Variants in ADCY3 observed in about 807,000 individuals in gnomAD.
ADCY3 encodes the protein adenylate cyclase type 3.
Under a neutral mutation model 119.4 loss-of-function variants are expected in ADCY3, and 70 were observed. The ratio of observed to expected loss-of-function variants is 0.59; its 90% CI spans 0.48 to 0.72. The LOEUF is 0.72. Among genes scored for constraint, ADCY3 ranks in the 30% least tolerant of loss-of-function variants. ADCY3 has a pLI of 0.00. For missense variants in ADCY3, 1,238 were observed against 1,541.6 expected (o/e 0.80, Z 3.30); for synonymous variants, 672 against 621.4 (o/e 1.08, Z -1.21).
intron 7 of ADCY3, 108 bp from the exon 8 acceptor site, chr2:24,838,730 C>G: frequency 6.3e-7 from 1 of 1,586,500 alleles, no homozygotes. Flanking sequence ...GGCCCCGTGT[C>G]TCTCGGGCAT....
intron 2 of ADCY3, among the ~76,000 whole-genome samples, chr2:24,907,466 T>C (rs935534854): frequency 1.3e-5 from 2 of 152,154 alleles, no homozygotes; most frequent in African/African-American, 4.8e-5. Context: ...AAGGAAAGTG[T>C]TGTGGAGGAG....
At chr2:24,845,149 G>A (rs1411603284) in intron 3 of ADCY3, among the ~76,000 whole-genome samples, 1 of 152,194 alleles carries the variant, frequency 6.6e-6, no homozygotes, top group East Asian at 1.9e-4. Context: ...TTTATCAGCA[G>A]CGTGAAAACG....
intron 2 of ADCY3, among the ~76,000 whole-genome samples, chr2:24,890,836 G>A (rs1677567525): frequency 6.6e-6 from 1 of 151,714 alleles, no homozygotes; most frequent in Non-Finnish European, 1.5e-5. Context: ...AAAGGTTTAA[G>A]CTTCTAAGGT....
chr2:24,864,214 C>T (rs987117500), intron 3 of ADCY3, among the ~76,000 whole-genome samples: 25 of 152,062 alleles, frequency 1.6e-4, no homozygotes, highest in African/African-American at 4.3e-4. Flanking sequence ...AGCTTGAACC[C>T]GGAGGCGGAA....
intron 2 of ADCY3, among the ~76,000 whole-genome samples, chr2:24,904,446 G>A (rs1000127604): frequency 5.3e-5 from 8 of 152,028 alleles, no homozygotes; most frequent in African/African-American, 1.4e-4. Context: ...ACTTGAACCC[G>A]GGAGGCAGAG....
rs1367985458 is a variant in ADCY3, at chr2:24,899,850, G to A, written c.675+18463C>T. Among the ~76,000 whole-genome samples, 1 of 152,178 alleles carries A rather than the reference G, an allele frequency of 6.6e-6. No homozygotes were observed. The highest frequency in any genetic ancestry group is 2.4e-5 in the African/African-American group (1 of 41,452). Reference sequence around the variant, plus strand: ...TTTGGCAATGGGTACCTATGAGAAGGGGAGCAAGGGAAGGAAGGAGGACTT... The same window carrying A: ...TTTGGCAATGGGTACCTATGAGAAGAGGAGCAAGGGAAGGAAGGAGGACTT... On this transcript the variant is annotated intron_variant, in intron 2 of 21. Coordinates refer to ENST00000679454, the MANE Select transcript of ADCY3 (RefSeq NM_004036.5). This position sits in a 1 kb window ranked among gnomAD's most constrained non-coding sequence, Gnocchi z 4.5.
chr2:24,841,407 C>T lies in ADCY3; in HGVS notation c.1069-21G>A, dbSNP rs1168041708. On this transcript the variant is annotated intron_variant, in intron 5 of 21. Transcript: ENST00000679454. This position sits in a 1 kb window ranked among gnomAD's most constrained non-coding sequence, Gnocchi z 5.8. ...TATTTCTGAAAGGGGAGGGCCTGGC[C>T]TGTGCTCCAGCCCCTCCTCAGTGAG... The T allele has an allele frequency of 1.2e-6, 2 of 1,609,810 alleles. No individual in the cohort carries two copies. The highest frequency in any genetic ancestry group is 1.1e-5 in the South Asian group (1 of 90,092).
intron 3 of ADCY3, among the ~76,000 whole-genome samples, chr2:24,849,819 C>T (rs890405765): frequency 6.6e-5 from 10 of 152,196 alleles, no homozygotes; most frequent in Non-Finnish European, 1.5e-5. Flanking sequence ...CCCCCCAAGC[C>T]TCAGGGCCTC....
intron 2 of ADCY3, among the ~76,000 whole-genome samples, chr2:24,902,235 C>T (rs1404070060): frequency 1.3e-5 from 2 of 151,850 alleles, no homozygotes; most frequent in Non-Finnish European, 2.9e-5. Context: ...TGTGTGCCAC[C>T]ACGCCTGGCT....
chr2:24,838,742 T>TG, intron 7 of ADCY3, 120 bp from the exon 8 acceptor site: 2 of 1,585,192 alleles, frequency 1.3e-6, no homozygotes, highest in Non-Finnish European at 1.7e-6. Flanking sequence ...CTCGGGCATG[T>TG]GGGGCAGAGG....
intron 3 of ADCY3, among the ~76,000 whole-genome samples, chr2:24,847,897 G>T (rs1385792693): frequency 6.6e-6 from 1 of 152,206 alleles, no homozygotes; most frequent in Non-Finnish European, 1.5e-5. Flanking sequence ...CTGGGCTGGG[G>T]CTGGGTTTCT....
intron 3 of ADCY3, among the ~76,000 whole-genome samples, chr2:24,861,248 C>A (rs997774592): frequency 3.2e-5 from 1 of 31,278 alleles, no homozygotes. Flanking sequence ...GAGACTCCAT[C>A]TCAAAAAAAA....
chr2:24,834,349 C>T lies in ADCY3; in HGVS notation c.1967+136G>A, dbSNP rs558350675. ...TAGCACTCCTGGGGCCTGTGGGGGC[C>T]GTCCCAGTGGGGGTCAGGGAGCAGA... On this transcript the variant is annotated intron_variant, in intron 11 of 21. Transcript: ENST00000679454. This position sits in a 1 kb window ranked among gnomAD's most constrained non-coding sequence, Gnocchi z 4.2. 1.3e-5 allele frequency: 14 copies of T among 1,089,916 alleles called. No homozygotes were observed. The highest frequency in any genetic ancestry group is 6.4e-5 in the South Asian group (4 of 62,248). The allele number at this position is 1,089,916 out of a possible 1,614,324, so 67.5% of individuals were successfully genotyped here.
At position 24,834,202 on chromosome 2, in the gene ADCY3, T is replaced by C. The variant is rs772283373; in HGVS notation, c.1967+283A>G. On this transcript the variant is annotated intron_variant, in intron 11 of 21. Coordinates refer to ENST00000679454, the MANE Select transcript of ADCY3 (RefSeq NM_004036.5). The surrounding 1 kb of genome is among the most constrained non-coding windows in gnomAD (Gnocchi z 4.2). ...TCAGTGTGGGCCCATCTAGCCAAGG[T>C]CTCCAGCCTTCTGGAGGCCTCTGTC... Among the ~76,000 whole-genome samples, 1 of 152,050 alleles carries C rather than the reference T, an allele frequency of 6.6e-6. No individual in the cohort carries two copies. The highest frequency in any genetic ancestry group is 2.4e-5 in the African/African-American group (1 of 41,376).
chr2:24,916,510 T>C (rs1030495609), intron 2 of ADCY3, among the ~76,000 whole-genome samples: 2 of 152,182 alleles, frequency 1.3e-5, no homozygotes, highest in African/African-American at 4.8e-5. Flanking sequence ...GGTGAAACCT[T>C]GTCTCTACTA....
intron 21 of ADCY3, 46 bp from the exon 22 acceptor site, chr2:24,820,160 T>TCC: frequency 7.3e-7 from 1 of 1,361,608 alleles, no homozygotes; most frequent in Non-Finnish European, 9.8e-7. Context: ...GGGGGGAGCC[T>TCC]AGACTGAGGG....
At chr2:24,913,248 G>A (rs987646391) in intron 2 of ADCY3, among the ~76,000 whole-genome samples, 5 of 152,186 alleles carry the variant, frequency 3.3e-5, no homozygotes, top group South Asian at 2.1e-4. Context: ...CTCCTGTCCC[G>A]ATTCAGCCCC....
At chr2:24,870,818 A>C (rs1360200017) in intron 3 of ADCY3, among the ~76,000 whole-genome samples, 2 of 152,254 alleles carry the variant, frequency 1.3e-5, no homozygotes, top group Middle Eastern at 3.2e-3. Context: ...TGGGTTACAA[A>C]GCACTTCTGG....
chr2:24,832,051 C>A (rs1403625369), intron 11 of ADCY3: 1 of 16,060 alleles, frequency 6.2e-5, no homozygotes, highest in African/African-American at 2.1e-4. Flanking sequence ...AGACAAGGAC[C>A]GGGGGAAGGG....
Sources: gnomAD v4.1 joint callset for allele counts (sites outside exome capture counted in the v4.1 genomes callset) on GRCh38, gnomAD v4.1.1 for gene constraint, Gnocchi (gnomAD v3.1) non-coding constraint, MANE v1.5 for transcripts, NCBI Gene and HGNC (gene_info 2026-07-23, HGNC 2026-07-21) for gene names.